PPEF2: variants seen among roughly 807,000 people sequenced by gnomAD.
The protein encoded by PPEF2 is serine/threonine-protein phosphatase with EF-hands 2.
Under a neutral mutation model 84.7 loss-of-function variants are expected in PPEF2, and 84 were observed. The ratio of observed to expected loss-of-function variants is 0.99; its 90% CI spans 0.83 to 1.19. The LOEUF (loss-of-function observed/expected upper bound fraction) is 1.19, where lower values mean the gene tolerates loss of function less well. Ranked by LOEUF, PPEF2 falls within the 50% of genes most tolerant of loss-of-function variation. The pLI is 0.00. For synonymous variants in PPEF2, 346 were observed against 345.2 expected (o/e 1.00, Z -0.03); for missense variants, 924 against 937.5 (o/e 0.99, Z 0.19).
chr4:75,884,761 C>T lies in PPEF2; in HGVS notation c.580-1G>A. On this transcript the variant is annotated splice_acceptor_variant, in intron 7 of 16. Coordinates refer to ENST00000286719, the MANE Select transcript of PPEF2 (RefSeq NM_006239.3). LOFTEE classifies it high-confidence loss of function. ...ACCGTTCTGGCGACGGGAGGCCATT[C>T]TTTTCAACAAGGAGACCAGTGAAAG... 2 of 1,574,672 alleles carry T rather than the reference C, an allele frequency of 1.3e-6. No homozygotes were observed. The highest frequency in any genetic ancestry group is 2.4e-5 in the South Asian group (2 of 84,304).
intron 4 of PPEF2, 62 bp downstream of exon 4, chr4:75,891,586 C>T (rs965160552): frequency 3.3e-6 from 5 of 1,518,564 alleles, no homozygotes; most frequent in South Asian, 1.3e-5. Flanking sequence ...GCATCCCCCA[C>T]CTCACCGTGT....
At chr4:75,872,238 C>A in intron 12 of PPEF2, 71 bp from the exon 13 acceptor site, 1 of 1,408,976 alleles carries the variant, frequency 7.1e-7, no homozygotes, top group Admixed American at 2.4e-5. Flanking sequence ...TCCTATGTGG[C>A]CCAACTCAAC....
chr4:75,884,262 C>A (rs1724661258), intron 8 of PPEF2, among the ~76,000 whole-genome samples: 1 of 151,748 alleles, frequency 6.6e-6, no homozygotes, highest in Non-Finnish European at 1.5e-5. Context: ...GAAGCCCTGT[C>A]TCTAATAATA....
intron 4 of PPEF2, among the ~76,000 whole-genome samples, chr4:75,890,568 A>G (rs896233155): frequency 5.9e-5 from 9 of 151,930 alleles, no homozygotes; most frequent in African/African-American, 2.2e-4. Flanking sequence ...GCTCCAGCAC[A>G]GAAGAGGAAA....
chr4:75,897,460 A>T (rs1029115403), intron 1 of PPEF2, among the ~76,000 whole-genome samples: 1 of 151,986 alleles, frequency 6.6e-6, no homozygotes, highest in Non-Finnish European at 1.5e-5. Flanking sequence ...CCTGCTAAAC[A>T]CTTTGATTGG....
rs887143184 is a variant in PPEF2, at chr4:75,876,682, G to A, written c.934-9C>T. 1.3e-6 allele frequency: 2 copies of A among 1,523,150 alleles called. No individual in the cohort carries two copies. The highest frequency in any genetic ancestry group is 2.2e-5 in the Admixed American group (1 of 46,398). 94.4% of individuals were successfully genotyped at this position (1,523,150 alleles called of 1,614,324 possible). A position where few individuals can be genotyped will look rare whatever the true frequency, so the allele number is the denominator to read the frequency against. Reference sequence around the variant, plus strand: ...CTCATGGTGGAAACTATCTAAACACGTCCAGAAAGAGATACAGATGCTGGA... The same window carrying A: ...CTCATGGTGGAAACTATCTAAACACATCCAGAAAGAGATACAGATGCTGGA... On this transcript the variant is annotated splice_polypyrimidine_tract_variant and intron_variant, in intron 10 of 16. Transcript: ENST00000286719.
At chr4:75,878,314 G>A (rs936031216) in intron 10 of PPEF2, among the ~76,000 whole-genome samples, 7 of 152,296 alleles carry the variant, frequency 4.6e-5, no homozygotes, top group South Asian at 2.1e-4. Context: ...TTGTAGCAGC[G>A]AGCAAAAAGA....
chr4:75,868,968 A>G (rs1482824185), intron 13 of PPEF2, among the ~76,000 whole-genome samples: 2 of 152,150 alleles, frequency 1.3e-5, no homozygotes, highest in Non-Finnish European at 2.9e-5. Context: ...ATCTATGATC[A>G]TGCTACTATA....
intron 4 of PPEF2, 130 bp downstream of exon 4, chr4:75,891,518 C>T: frequency 9.9e-7 from 1 of 1,012,232 alleles, no homozygotes; most frequent in Non-Finnish European, 1.4e-6. Context: ...CTGCCATTTA[C>T]TCCTCAGCCC....
In PPEF2 at chr4:75,860,376, T is replaced by C. The variant is rs1723964485; in HGVS notation, c.*291A>G. 1 of 390,202 alleles carries C rather than the reference T, an allele frequency of 2.6e-6. No individual in the cohort carries two copies. Among genetic ancestry groups the C allele is most frequent in the Non-Finnish European group, 4.6e-6 (1 of 215,784 alleles). 24.2% of individuals were successfully genotyped at this position (390,202 alleles called of 1,614,324 possible). On this transcript the variant is annotated 3_prime_UTR_variant, in exon 17 of 17. Transcript: ENST00000286719. ...GTATAAAATGAAAACAATGAGAGAG[T>C]TACATTGTCAGTGGTTCTTAACTGA...
At chr4:75,892,980 A>G (rs1196263351) in intron 2 of PPEF2, among the ~76,000 whole-genome samples, 1 of 152,204 alleles carries the variant, frequency 6.6e-6, no homozygotes, top group Non-Finnish European at 1.5e-5. Flanking sequence ...GATTGATTTA[A>G]TATGTTTCGT....
intron 16 of PPEF2, among the ~76,000 whole-genome samples, chr4:75,861,702 T>C (rs1168299154): frequency 1.4e-3 from 188 of 137,768 alleles, no homozygotes; most frequent in African/African-American, 4.6e-3. Flanking sequence ...CTCTGCCTCC[T>C]GGGTTCACGC....
chr4:75,866,169 C>T lies in PPEF2; in HGVS notation c.1920+20G>A. ...ATCATAGTCCACATGTGCTCTCATCCACCATTACCACACCGTTACCTCGCG... is the reference window on the plus strand; with the variant it reads ...ATCATAGTCCACATGTGCTCTCATCTACCATTACCACACCGTTACCTCGCG... On this transcript the variant is annotated intron_variant, in intron 15 of 16. Coordinates refer to ENST00000286719, the MANE Select transcript of PPEF2 (RefSeq NM_006239.3). The T allele has an allele frequency of 6.3e-7, 1 of 1,594,232 alleles. No individual in the cohort carries two copies. The highest frequency in any genetic ancestry group is 1.3e-5 in the African/African-American group (1 of 74,768).
intron 6 of PPEF2, among the ~76,000 whole-genome samples, chr4:75,887,918 G>A (rs1724771700): frequency 6.6e-6 from 1 of 152,170 alleles, no homozygotes; most frequent in African/African-American, 2.4e-5. Flanking sequence ...CTAACAAGGA[G>A]GGTCTGGTTA....
intron 4 of PPEF2, 56 bp downstream of exon 4, chr4:75,891,592 C>T (rs976507390): frequency 4.8e-5 from 73 of 1,530,228 alleles, no homozygotes; most frequent in South Asian, 1.2e-4. Flanking sequence ...CCCACCTCAC[C>T]GTGTAATCTA....
Position 75,890,140 on chromosome 4 carries a change from A to G in PPEF2, c.242-8T>C. The G allele has an allele frequency of 4.3e-6, 7 of 1,613,586 alleles. No homozygotes were observed. The highest frequency in any genetic ancestry group is 5.9e-6 in the Non-Finnish European group (7 of 1,179,758). ...TGCGGGTCAGGAAGTCCCCTAGTCC[A>G]GATAGAAAAGGTGGATCAGCTTATG... On this transcript the variant is annotated splice_region_variant and splice_polypyrimidine_tract_variant and intron_variant, in intron 4 of 16. Transcript: ENST00000286719.
At chr4:75,899,594 T>C (rs1725077012) in intron 1 of PPEF2, among the ~76,000 whole-genome samples, 1 of 152,214 alleles carries the variant, frequency 6.6e-6, no homozygotes, top group Admixed American at 6.5e-5. Flanking sequence ...AGAGTTGTTG[T>C]CTTTTTCTCT....
intron 14 of PPEF2, among the ~76,000 whole-genome samples, chr4:75,867,094 CCTCT>C (rs1300244484): frequency 2.6e-5 from 4 of 151,968 alleles, no homozygotes; most frequent in Non-Finnish European, 5.9e-5. Context: ...TTGTTTTCAC[CCTCT>C]CTATTTGGCT....
intron 10 of PPEF2, among the ~76,000 whole-genome samples, chr4:75,877,039 A>AAAGAAAG (rs149782164): frequency 1.8e-3 from 246 of 135,536 alleles, no homozygotes; most frequent in East Asian, 2.9e-3. Flanking sequence ...AGAAAGAAAG[A>AAAGAAAG]AAAGAAACAG....
Sources: allele counts gnomAD v4.1 joint callset (sites outside exome capture counted in the v4.1 genomes callset), GRCh38; gene constraint gnomAD v4.1.1; transcripts MANE v1.5; gene names NCBI Gene and HGNC (gene_info 2026-07-23, HGNC 2026-07-21).